The following ZDHHC14 variants were observed in gnomAD, a reference collection of about 807,000 sequenced individuals.
ZDHHC14 encodes zDHHC palmitoyltransferase 14.
Under a neutral mutation model 47.7 loss-of-function variants are expected in ZDHHC14, and 16 were observed. The ratio of observed to expected loss-of-function variants is 0.34; its 90% CI spans 0.23 to 0.51. ZDHHC14 has a LOEUF of 0.51. ZDHHC14 is among the 20% of genes least tolerant of loss of function. ZDHHC14 has a pLI of 0.97. For synonymous variants in ZDHHC14, 293 were observed against 278.9 expected, an observed-to-expected ratio of 1.05 and a Z score of -0.50; for missense variants, 515 against 662.5, an observed-to-expected ratio of 0.78 and a Z score of 2.44.
intron 2 of ZDHHC14, among the ~76,000 whole-genome samples, chr6:157,584,823 G>A (rs751363443): frequency 3.9e-5 from 6 of 152,154 alleles, no homozygotes; most frequent in Non-Finnish European, 5.9e-5. Flanking sequence ...TGCCAGCAAC[G>A]TCCACCAATT....
intron 2 of ZDHHC14, among the ~76,000 whole-genome samples, chr6:157,545,679 GA>G (rs746736743): frequency 2.9e-4 from 43 of 148,830 alleles, no homozygotes; most frequent in African/African-American, 4.4e-4. Flanking sequence ...CCTAAAAAAA[GA>G]AAAAAAAAAG....
rs138388603 is a variant in ZDHHC14 at position 157,525,811 on chromosome 6, G to A, written c.246-16774G>A. Among the ~76,000 whole-genome samples, 424 of 152,250 alleles carry A rather than the reference G, an allele frequency of 2.8e-3. 3 individuals carry two copies. The highest frequency in any genetic ancestry group is 5.6e-3 in the Admixed American group (85 of 15,306). ...CCACTGCTGCTGGATGCCTGCGAGG[G>A]GACAGGGCTTCCTACCATTAAACCA... is the stretch of plus-strand genomic sequence containing the variant. On this transcript the variant is annotated intron_variant, in intron 1 of 8. Transcript: ENST00000359775.
In ZDHHC14 at chr6:157,676,366, G is replaced by C. The variant is rs893437636; in HGVS notation, c.*3244G>C. The C allele has an allele frequency of 6.6e-6, 1 of 152,352 alleles. No homozygotes were observed. 9.4% of individuals were successfully genotyped at this position (152,352 alleles called of 1,614,324 possible). A position where few individuals can be genotyped will look rare whatever the true frequency, so the allele number is the denominator to read the frequency against. On this transcript the variant is annotated 3_prime_UTR_variant, in exon 9 of 9. Transcript: ENST00000359775. ...TAAGCCAGCAAAATGCGAAATCTCT[G>C]TTCTGGCCCAGAATGGCACAAGGGA...
chr6:157,634,429 C>T (rs1277542151), intron 5 of ZDHHC14, among the ~76,000 whole-genome samples: 5 of 152,282 alleles, frequency 3.3e-5, no homozygotes, highest in African/African-American at 1.2e-4. Context: ...TGTCCTCCTC[C>T]GTTCCTCTCC....
intron 1 of ZDHHC14, among the ~76,000 whole-genome samples, chr6:157,514,238 G>C (rs1051981931): frequency 2.0e-5 from 3 of 152,204 alleles, no homozygotes; most frequent in African/African-American, 7.2e-5. Flanking sequence ...ACAAGGCAGA[G>C]TTACGTGTAA....
chr6:157,452,396 T>C (rs1478559369), intron 1 of ZDHHC14, among the ~76,000 whole-genome samples: 1 of 152,146 alleles, frequency 6.6e-6, no homozygotes, highest in Non-Finnish European at 1.5e-5. Context: ...AACTCTTACA[T>C]CTCCAAGCAG....
At chr6:157,649,268 A>C (rs548666945) in intron 7 of ZDHHC14, among the ~76,000 whole-genome samples, 2 of 152,262 alleles carry the variant, frequency 1.3e-5, no homozygotes, top group Non-Finnish European at 2.9e-5. Context: ...GTGGGGCAGC[A>C]CTGAAGGGGC....
At chr6:157,517,520 A>C (rs532947935) in intron 1 of ZDHHC14, among the ~76,000 whole-genome samples, 3 of 152,160 alleles carry the variant, frequency 2.0e-5, no homozygotes, top group Non-Finnish European at 4.4e-5. Flanking sequence ...CATCTTGGCC[A>C]GGTTGATCTC....
At chr6:157,392,447 G>A (rs566662119) in intron 1 of ZDHHC14, among the ~76,000 whole-genome samples, 81 of 151,990 alleles carry the variant, frequency 5.3e-4, no homozygotes, top group Non-Finnish European at 7.9e-4. Context: ...ACAGCCCCCC[G>A]TGTGTTGGGG....
At chr6:157,385,528 ATTC>A (rs1219100741) in intron 1 of ZDHHC14, among the ~76,000 whole-genome samples, 25 of 152,378 alleles carry the variant, frequency 1.6e-4, no homozygotes, top group African/African-American at 5.8e-4. Flanking sequence ...CCTGTCTGCA[ATTC>A]TTCTCTCATC....
intron 1 of ZDHHC14, among the ~76,000 whole-genome samples, chr6:157,519,047 G>A (rs946551576): frequency 5.9e-5 from 9 of 152,206 alleles, no homozygotes; most frequent in African/African-American, 1.7e-4. Flanking sequence ...TCAACACAGC[G>A]TTATGAGGGC....
At chr6:157,656,706 CA>C (rs755645927) in intron 8 of ZDHHC14, among the ~76,000 whole-genome samples, 5 of 129,302 alleles carry the variant, frequency 3.9e-5, no homozygotes, top group Non-Finnish European at 3.3e-5. Flanking sequence ...TTGAAGATAC[CA>C]AAAAAAAAAA....
At chr6:157,556,829 G>A (rs1422547121) in intron 2 of ZDHHC14, among the ~76,000 whole-genome samples, 1 of 152,212 alleles carries the variant, frequency 6.6e-6, no homozygotes, top group African/African-American at 2.4e-5. Flanking sequence ...GACAGGCCCG[G>A]GCGGGTTCCA....
chr6:157,419,533 C>T (rs186085863), intron 1 of ZDHHC14, among the ~76,000 whole-genome samples: 34 of 152,272 alleles, frequency 2.2e-4, no homozygotes, highest in African/African-American at 7.5e-4. Flanking sequence ...TGTCTTTTCC[C>T]GACTGTCGTA....
At chr6:157,637,634 G>T (rs1777050845) in intron 5 of ZDHHC14, among the ~76,000 whole-genome samples, 1 of 152,188 alleles carries the variant, frequency 6.6e-6, no homozygotes, top group Non-Finnish European at 1.5e-5. Context: ...CAGCTGACTT[G>T]CCTGAGCACA....
chr6:157,490,650 A>C (rs910147510), intron 1 of ZDHHC14, among the ~76,000 whole-genome samples: 3 of 152,220 alleles, frequency 2.0e-5, no homozygotes, highest in African/African-American at 7.2e-5. Flanking sequence ...CTCTTGGAGA[A>C]GTTGAGTCTT....
At chr6:157,488,820 A>T (rs112180617) in intron 1 of ZDHHC14, among the ~76,000 whole-genome samples, 1 of 152,210 alleles carries the variant, frequency 6.6e-6, no homozygotes, top group African/African-American at 2.4e-5. Context: ...TGCCAGGCGC[A>T]GGGCACCCCG....
intron 1 of ZDHHC14, among the ~76,000 whole-genome samples, chr6:157,541,204 T>G (rs1361610339): frequency 6.6e-6 from 1 of 152,108 alleles, no homozygotes; most frequent in Admixed American, 6.5e-5. Context: ...CTCCTCATGC[T>G]AGGAAACTTG....
rs77101690 is a variant in ZDHHC14, at chr6:157,410,749, T to C, written c.245+28483T>C. The stretch of plus-strand genomic sequence containing the variant: ...GTCTCACTCTGCCGCCTGGCTAGAG[T>C]GCAGTGGCATGATCTTGGTTCACTG... On this transcript the variant is annotated intron_variant, in intron 1 of 8. Coordinates refer to ENST00000359775, the MANE Select transcript of ZDHHC14 (RefSeq NM_024630.3). 3.3e-5 allele frequency among the ~76,000 whole-genome samples: 5 copies of C among 152,154 alleles called. No homozygotes were observed. In the East Asian group the frequency reaches 7.7e-4, roughly 23 times the overall value.
Sources: gnomAD v4.1 joint callset for allele counts (sites outside exome capture counted in the v4.1 genomes callset) on GRCh38, gnomAD v4.1.1 for gene constraint, MANE v1.5 for transcripts, NCBI Gene and HGNC (gene_info 2026-07-23, HGNC 2026-07-21) for gene names.